Variants in BTBD9 observed in about 807,000 individuals in gnomAD.
BTBD9 encodes BTB domain containing 9.
Under a neutral mutation model 64.3 loss-of-function variants are expected in BTBD9, and 49 were observed. The ratio of observed to expected loss-of-function variants is 0.76; its 90% CI spans 0.61 to 0.97. The LOEUF is 0.97. Ranked by LOEUF, BTBD9 falls within the 50% of genes least tolerant of loss-of-function variation. BTBD9 has a pLI of 0.00. For synonymous variants in BTBD9, 260 were observed against 274.7 expected (o/e 0.95, Z 0.53); for missense variants, 598 against 762.1 (o/e 0.78, Z 2.53).
chr6:38,312,625 T>G (rs1762879625), intron 7 of BTBD9, among the ~76,000 whole-genome samples: 1 of 152,222 alleles, frequency 6.6e-6, no homozygotes, highest in South Asian at 2.1e-4. Flanking sequence ...CTTCCACATA[T>G]GGATATCCAG....
At chr6:38,639,018 G>T (rs898806913) in intron 1 of BTBD9, among the ~76,000 whole-genome samples, 30 of 152,164 alleles carry the variant, frequency 2.0e-4, no homozygotes, top group African/African-American at 5.6e-4. Context: ...GAAAATAGCA[G>T]CCTGTACTGC....
At chr6:38,617,342 G>C (rs1013573183) in intron 1 of BTBD9, among the ~76,000 whole-genome samples, 1 of 152,050 alleles carries the variant, frequency 6.6e-6, no homozygotes, top group African/African-American at 2.4e-5. Flanking sequence ...TATCTATCCT[G>C]ACCCTTGCCT....
chr6:38,403,285 C>T (rs1179631292), intron 6 of BTBD9, among the ~76,000 whole-genome samples: 2 of 152,018 alleles, frequency 1.3e-5, no homozygotes, highest in African/African-American at 4.8e-5. Flanking sequence ...TATTTCCCCA[C>T]AAAATTAAAT....
At chr6:38,257,101 A>G (rs1046550622) in intron 8 of BTBD9, among the ~76,000 whole-genome samples, 51 of 134,302 alleles carry the variant, frequency 3.8e-4, no homozygotes, top group African/African-American at 1.4e-3. Context: ...GCACAGTCTC[A>G]CTATGTTGCC....
rs1006389340 is a variant in BTBD9 at position 38,168,646 on chromosome 6, A to C, written c.*6339T>G. On this transcript the variant is annotated 3_prime_UTR_variant, in exon 11 of 11. Transcript: ENST00000481247. ...GCCTTTTGGGCATCTTTGGAGTTTT[A>C]GACGGAGCTTCTGGAGTCACAGAGC... 2.0e-5 allele frequency: 3 copies of C among 152,318 alleles called. No homozygotes were observed. The highest frequency in any genetic ancestry group is 7.2e-5 in the African/African-American group (3 of 41,474). 9.4% of individuals were successfully genotyped at this position (152,318 alleles called of 1,614,324 possible). A position where few individuals can be genotyped will look rare whatever the true frequency, so the allele number is the denominator to read the frequency against.
chr6:38,584,208 A>G (rs1197975356), intron 4 of BTBD9, among the ~76,000 whole-genome samples: 1 of 152,080 alleles, frequency 6.6e-6, no homozygotes, highest in African/African-American at 2.4e-5. Flanking sequence ...CATGTCTATA[A>G]TCCCAGCTAC....
intron 6 of BTBD9, among the ~76,000 whole-genome samples, chr6:38,498,180 T>A (rs1272060104): frequency 6.6e-6 from 1 of 152,224 alleles, no homozygotes; most frequent in African/African-American, 2.4e-5. Context: ...TTCAGCTGCC[T>A]GACGCACCTG....
intron 9 of BTBD9, among the ~76,000 whole-genome samples, chr6:38,243,822 G>A (rs1173112180): frequency 6.6e-6 from 1 of 152,178 alleles, no homozygotes; most frequent in East Asian, 1.9e-4. Context: ...AAGAGAATGA[G>A]CTAAATGGTG....
chr6:38,483,516 C>G (rs139824153), intron 6 of BTBD9, among the ~76,000 whole-genome samples: 1 of 151,918 alleles, frequency 6.6e-6, no homozygotes, highest in Non-Finnish European at 1.5e-5. Context: ...TCTCAACTAC[C>G]ATCACCTGGT....
intron 6 of BTBD9, among the ~76,000 whole-genome samples, chr6:38,537,704 A>C (rs1263317681): frequency 6.6e-6 from 1 of 152,164 alleles, no homozygotes; most frequent in African/African-American, 2.4e-5. Flanking sequence ...GACCTTCAAA[A>C]CTTGTCCTCC....
At chr6:38,312,363 T>G (rs1762870483) in intron 7 of BTBD9, among the ~76,000 whole-genome samples, 1 of 152,250 alleles carries the variant, frequency 6.6e-6, no homozygotes, top group Non-Finnish European at 1.5e-5. Flanking sequence ...TGTGGAATAT[T>G]TCTTTGCTAA....
rs1764584812 is a variant in BTBD9 at position 38,256,511 on chromosome 6, AG to A, written c.1459del (p.Leu487TyrfsTer40). ...QPYMIGSIRL[L>X]LWDCDDRSYS... Reference sequence around the variant, plus strand: ...GCTTCGATCATCACAATCCCAAAGTAGTAACCTGAACAAAGGGAAAAACATA... The same window carrying A: ...GCTTCGATCATCACAATCCCAAAGTATAACCTGAACAAAGGGAAAAACATA... On this transcript the variant is annotated frameshift_variant, in exon 9 of 11. Coordinates refer to ENST00000481247, the MANE Select transcript of BTBD9 (RefSeq NM_001099272.2). LOFTEE classifies it high-confidence loss of function. 6.2e-7 allele frequency: 1 copy of A among 1,609,264 alleles called. No individual in the cohort carries two copies. Among genetic ancestry groups the A allele is most frequent in the African/African-American group, 1.3e-5 (1 of 74,838 alleles).
rs191536649 is a variant in BTBD9 at position 38,267,693 on chromosome 6, A to T, written c.1455-11177T>A. On this transcript the variant is annotated intron_variant, in intron 8 of 10. Transcript: ENST00000481247. ...GGTGGCTCACGCCTGTAATCCCAGC[A>T]CTTTGAGAGGCCAAGGTGGGTGGAT... Among the ~76,000 whole-genome samples the T allele has an allele frequency of 7.2e-5, 11 of 152,318 alleles. No homozygotes were observed. The East Asian group carries it at 2.1e-3, about 29-fold the overall frequency.
At chr6:38,593,907 T>C in intron 3 of BTBD9, 57 bp downstream of exon 3, 1 of 1,406,310 alleles carries the variant, frequency 7.1e-7, no homozygotes, top group Non-Finnish European at 9.8e-7. Flanking sequence ...ACTTCTACAG[T>C]ATAGGTATAA....
chr6:38,344,447 T>G (rs1311739949), intron 7 of BTBD9, among the ~76,000 whole-genome samples: 1 of 151,508 alleles, frequency 6.6e-6, no homozygotes, highest in Non-Finnish European at 1.5e-5. Flanking sequence ...AAGTGACAAT[T>G]CAGTCACTTT....
At chr6:38,437,799 A>G (rs1013205936) in intron 6 of BTBD9, among the ~76,000 whole-genome samples, 11 of 152,176 alleles carry the variant, frequency 7.2e-5, no homozygotes, top group Non-Finnish European at 1.5e-4. Context: ...ACAGTGTTCA[A>G]ATAGGATCTC....
chr6:38,289,371 C>G (rs1761872866), intron 7 of BTBD9, among the ~76,000 whole-genome samples: 1 of 152,034 alleles, frequency 6.6e-6, no homozygotes, highest in Non-Finnish European at 1.5e-5. Context: ...GAGACTCCCT[C>G]TCAAAAAAAA....
intron 6 of BTBD9, among the ~76,000 whole-genome samples, chr6:38,431,426 C>A (rs1768434245): frequency 6.6e-6 from 1 of 152,170 alleles, no homozygotes; most frequent in Non-Finnish European, 1.5e-5. Flanking sequence ...ATTACCAACC[C>A]AGTTTCACAG....
intron 6 of BTBD9, among the ~76,000 whole-genome samples, chr6:38,526,133 G>C (rs1371394855): frequency 1.3e-5 from 2 of 152,220 alleles, no homozygotes; most frequent in Non-Finnish European, 2.9e-5. Flanking sequence ...GGTTTTGTGA[G>C]CCAGGCCCAG....
Sources: allele counts gnomAD v4.1 joint callset (sites outside exome capture counted in the v4.1 genomes callset), GRCh38; gene constraint gnomAD v4.1.1; transcripts MANE v1.5; gene names NCBI Gene and HGNC (gene_info 2026-07-23, HGNC 2026-07-21).